PCDHGB1: variants seen among roughly 807,000 people sequenced by gnomAD.
PCDHGB1 encodes protocadherin gamma-B1.
In PCDHGB1, 34 loss-of-function variants were observed where a neutral mutation model predicts 56.6. The ratio of observed to expected loss-of-function variants is 0.60; its 90% confidence interval spans 0.46 to 0.80. The LOEUF (loss-of-function observed/expected upper bound fraction) is 0.80. Ranked by LOEUF, PCDHGB1 falls within the 30% of genes least tolerant of loss-of-function variation. The pLI, the probability that PCDHGB1 is intolerant of heterozygous loss-of-function variation, is 0.00. For missense variants in PCDHGB1, 1,278 were observed against 1,204.6 expected (o/e 1.06, Z -0.90); for synonymous variants, 561 against 505.9 (o/e 1.11, Z -1.46).
chr5:141,499,677 T>C (rs2099793326), intron 2 of PCDHGB1, among the ~76,000 whole-genome samples: 1 of 151,690 alleles, frequency 6.6e-6, no homozygotes, highest in African/African-American at 2.4e-5. Flanking sequence ...CTCCACCATC[T>C]TTAACAGATG....
chr5:141,386,941 C>A (rs1391826060), intron 1 of PCDHGB1, among the ~76,000 whole-genome samples: 1 of 152,212 alleles, frequency 6.6e-6, no homozygotes, highest in Non-Finnish European at 1.5e-5. Context: ...AGGTAGGAAG[C>A]AGTGCTTCAG....
At chr5:141,413,449 G>T in intron 1 of PCDHGB1, 2 of 1,614,120 alleles carry the variant, frequency 1.2e-6, no homozygotes, top group South Asian at 2.2e-5. Context: ...GATCACCGCG[G>T]GCAGGATAGA....
At chr5:141,383,861 C>A (rs1284375260) in intron 1 of PCDHGB1, 1 of 1,613,936 alleles carries the variant, frequency 6.2e-7, no homozygotes, top group East Asian at 2.2e-5. Context: ...GAGGTTCAGG[C>A]TCAAGATGGT....
chr5:141,455,616 A>G (rs2154565146), intron 1 of PCDHGB1, among the ~76,000 whole-genome samples: 1 of 152,244 alleles, frequency 6.6e-6, no homozygotes, highest in South Asian at 2.1e-4. Flanking sequence ...GGATGTTCTA[A>G]ACACGTGGAG....
chr5:141,390,999 A>C (rs982856270), intron 1 of PCDHGB1: 23 of 152,216 alleles, frequency 1.5e-4, no homozygotes, highest in African/African-American at 5.6e-4. Context: ...ATTCAAGCTC[A>C]TTCTATATCC....
intron 1 of PCDHGB1, chr5:141,414,112 T>C (rs967826724): frequency 1.3e-6 from 2 of 1,592,428 alleles, no homozygotes; most frequent in African/African-American, 2.7e-5. Context: ...AAATCTAGAT[T>C]ATGAAGAAAC....
intron 1 of PCDHGB1, chr5:141,354,991 A>T: frequency 1.6e-6 from 1 of 634,544 alleles, no homozygotes; most frequent in Non-Finnish European, 2.4e-6. Flanking sequence ...TTCACCAATC[A>T]GGGGGAAAAG....
chr5:141,422,286 T>C, intron 1 of PCDHGB1: 2 of 1,554,938 alleles, frequency 1.3e-6, no homozygotes, highest in Non-Finnish European at 1.7e-6. Flanking sequence ...TCACCTCTTC[T>C]ATTAATTCAA....
In PCDHGB1 at chr5:141,511,351, C is replaced by A. The variant is rs1190324197; in HGVS notation, c.*178C>A. 11 of 1,386,432 alleles carry A rather than the reference C, an allele frequency of 7.9e-6. No individual in the cohort carries two copies. Among genetic ancestry groups the A allele is most frequent in the South Asian group, 4.5e-5 (3 of 67,158 alleles). The allele number at this position is 1,386,432 out of a possible 1,614,324, so 85.9% of individuals were successfully genotyped here. On this transcript the variant is annotated 3_prime_UTR_variant, in exon 4 of 4. Transcript: ENST00000523390. ...CCAGTCAGCACCTACCCCTTCCCCC[C>A]CAGGGGGTTGAATATGCAAAAGCAG...
At chr5:141,360,504 G>A in intron 1 of PCDHGB1, 1 of 1,613,932 alleles carries the variant, frequency 6.2e-7, no homozygotes, top group Non-Finnish European at 8.5e-7. Context: ...CAGTAATTGT[G>A]CAGGATATAA....
intron 1 of PCDHGB1, chr5:141,398,974 A>G (rs1486049931): frequency 1.4e-5 from 23 of 1,613,860 alleles, no homozygotes; most frequent in Non-Finnish European, 1.9e-5. Context: ...TTCCTTCTAC[A>G]GAACCGGGCA....
chr5:141,357,569 C>T lies in PCDHGB1; in HGVS notation c.2409+4900C>T, dbSNP rs755555398. On this transcript the variant is annotated intron_variant, in intron 1 of 3. Coordinates refer to ENST00000523390, the MANE Select transcript of PCDHGB1 (RefSeq NM_018922.3). ...CGGGAGAGTTGTGAGAAAAGCGAGCCTCTTCTGATAACTCAGGATTTACTT... is the reference window on the plus strand; with the variant it reads ...CGGGAGAGTTGTGAGAAAAGCGAGCTTCTTCTGATAACTCAGGATTTACTT... 60 of 1,614,090 alleles carry T rather than the reference C, an allele frequency of 3.7e-5. No individual in the cohort carries two copies. Among genetic ancestry groups the T allele is most frequent in the Non-Finnish European group, 4.7e-5 (56 of 1,180,048 alleles).
chr5:141,410,109 ACG>A, intron 1 of PCDHGB1: 1 of 1,612,496 alleles, frequency 6.2e-7, no homozygotes, highest in Non-Finnish European at 8.5e-7. Flanking sequence ...GGCGACAGGG[ACG>A]CAGCCCGCCA....
intron 1 of PCDHGB1, chr5:141,395,133 A>G (rs760451747): frequency 1.2e-6 from 2 of 1,614,192 alleles, no homozygotes; most frequent in Non-Finnish European, 8.5e-7. Context: ...TCCCCAGCCC[A>G]ACTACGCAGA....
At position 141,361,752 on chromosome 5, in the gene PCDHGB1, G is replaced by C. The variant is rs1860253; in HGVS notation, c.2409+9083G>C. 6.1e-5 allele frequency: 99 copies of C among 1,612,892 alleles called. 1 individual carries two copies. The highest frequency in any genetic ancestry group is 3.3e-4 in the Middle Eastern group (2 of 6,058). On this transcript the variant is annotated intron_variant, in intron 1 of 3. Transcript: ENST00000523390. ...CACTGCAGGCCCGCGACCAGGGCTC[G>C]CCCGCGCTCAGCGCCAACGTGAGCC...
At position 141,351,944 on chromosome 5, in the gene PCDHGB1, G is replaced by C; in HGVS notation, c.1684G>C (p.Ala562Pro). 6.2e-7 allele frequency: 1 copy of C among 1,613,160 alleles called. No homozygotes were observed. The highest frequency in any genetic ancestry group is 1.1e-5 in the South Asian group (1 of 91,064). Residue 562 changes from alanine (A) to proline (P), a missense_variant, in exon 1 of 4, where the codon GCG (alanine) becomes CCG (proline). Physicochemically the swap from Ala to Pro is conservative, Grantham distance 27. Transcript: ENST00000523390. Reference protein sequence around the residue: ...NDNAPRVLYPALGPDGSALFD... With the variant: ...NDNAPRVLYPPLGPDGSALFD... The stretch of plus-strand genomic sequence containing the variant: ...CAATGCGCCACGGGTGCTGTACCCC[G>C]CGCTGGGGCCTGATGGCTCCGCCCT...
chr5:141,443,708 T>G (rs2098400247), intron 1 of PCDHGB1, among the ~76,000 whole-genome samples: 1 of 152,192 alleles, frequency 6.6e-6, no homozygotes, highest in Non-Finnish European at 1.5e-5. Context: ...GAATAACATT[T>G]GCATATAAAA....
chr5:141,403,308 T>C (rs1245270186), intron 1 of PCDHGB1: 2 of 1,613,866 alleles, frequency 1.2e-6, no homozygotes, highest in Admixed American at 1.7e-5. Flanking sequence ...CTGTACGGAA[T>C]AGAAATAGAA....
rs1298740277 is a variant in PCDHGB1, at chr5:141,350,236, A to G, written c.-25A>G. ...CTTTTTGAAAAACATCCCAGAGGAA[A>G]GAAGCTCCGCGGAGAGTTCCTGAAA... On this transcript the variant is annotated 5_prime_UTR_variant, in exon 1 of 4. Transcript: ENST00000523390. The G allele has an allele frequency of 4.7e-6, 7 of 1,503,566 alleles. No individual in the cohort carries two copies. The highest frequency in any genetic ancestry group is 1.8e-4 in the Middle Eastern group (1 of 5,588). 93.1% of individuals were successfully genotyped at this position (1,503,566 alleles called of 1,614,324 possible). A position where few individuals can be genotyped will look rare whatever the true frequency, so the allele number is the denominator to read the frequency against.
Sources: gnomAD v4.1 joint callset for allele counts (sites outside exome capture counted in the v4.1 genomes callset) on GRCh38, gnomAD v4.1.1 for gene constraint, MANE v1.5 for transcripts, NCBI Gene and HGNC (gene_info 2026-07-23, HGNC 2026-07-21) for gene names.